The following CDC40 variants were observed in gnomAD, a reference collection of about 807,000 sequenced individuals.
CDC40 encodes the protein pre-mRNA-processing factor 17.
In CDC40, 27 loss-of-function variants were observed where a neutral mutation model predicts 80.6. The observed-to-expected ratio is 0.33, with a 90% CI of 0.25 to 0.46. The LOEUF (loss-of-function observed/expected upper bound fraction) is 0.46, where lower values mean the gene tolerates loss of function less well. Ranked by LOEUF, CDC40 falls within the 20% of genes least tolerant of loss-of-function variation. CDC40 has a pLI of 1.00. For missense variants in CDC40, 486 were observed against 694.1 expected (o/e 0.70, Z 3.37); for synonymous variants, 221 against 232.6 (o/e 0.95, Z 0.45).
At chr6:110,197,204 C>T (rs947116514) in intron 2 of CDC40, among the ~76,000 whole-genome samples, 1 of 152,180 alleles carries the variant, frequency 6.6e-6, no homozygotes, top group Admixed American at 6.5e-5. Flanking sequence ...ACCACTACTT[C>T]ATTCAGTTGA....
chr6:110,207,184 G>T (rs562530099), intron 3 of CDC40, among the ~76,000 whole-genome samples: 111 of 152,000 alleles, frequency 7.3e-4, no homozygotes, highest in African/African-American at 2.6e-3. Context: ...GGGTAATGAC[G>T]CATGCCTGTA....
intron 12 of CDC40, among the ~76,000 whole-genome samples, chr6:110,220,346 A>G (rs1463655100): frequency 5.3e-5 from 8 of 152,102 alleles, no homozygotes; most frequent in Non-Finnish European, 1.0e-4. Context: ...TGATAAAGAC[A>G]TACCCAAGAC....
rs1159764005 is a variant in CDC40, at chr6:110,232,117, C to G, written c.*1986C>G. ...ATGTTACAAATCATCATTTCTAAAT[C>G]TGGATTGATTCTGTTGTGTTTTTGA... On this transcript the variant is annotated 3_prime_UTR_variant, in exon 15 of 15. Coordinates refer to ENST00000307731, the MANE Select transcript of CDC40 (RefSeq NM_015891.3). The G allele has an allele frequency of 6.6e-6, 1 of 152,274 alleles. No individual in the cohort carries two copies. The highest frequency in any genetic ancestry group is 1.5e-5 in the Non-Finnish European group (1 of 67,972). The allele number at this position is 152,274 out of a possible 1,614,324, so 9.4% of individuals were successfully genotyped here.
chr6:110,207,690 C>CT (rs575682474), intron 4 of CDC40, 101 bp downstream of exon 4: 2,551 of 601,018 alleles, frequency 4.2e-3, no homozygotes, highest in South Asian at 5.6e-3. Context: ...GTATTTAGCG[C>CT]TTTTTTTTTT....
chr6:110,222,931 T>G (rs1323739826), intron 12 of CDC40, among the ~76,000 whole-genome samples: 1 of 152,214 alleles, frequency 6.6e-6, no homozygotes, highest in East Asian at 1.9e-4. Flanking sequence ...AACTATCTGA[T>G]TTAGTGTGCA....
chr6:110,221,068 A>G (rs547992273), intron 12 of CDC40, among the ~76,000 whole-genome samples: 1 of 152,252 alleles, frequency 6.6e-6, no homozygotes, highest in Admixed American at 6.5e-5. Context: ...GGGAAAAAAT[A>G]TTTTTCTAAA....
intron 1 of CDC40, among the ~76,000 whole-genome samples, chr6:110,183,631 A>G (rs2114645664): frequency 6.6e-6 from 1 of 152,372 alleles, no homozygotes; most frequent in East Asian, 1.9e-4. Flanking sequence ...CATAGTAAAT[A>G]TAATGATTGC....
intron 12 of CDC40, among the ~76,000 whole-genome samples, chr6:110,222,340 C>T (rs1404682873): frequency 6.6e-6 from 1 of 152,000 alleles, no homozygotes; most frequent in Non-Finnish European, 1.5e-5. Flanking sequence ...AGGCGGATCA[C>T]GAAGTCAGGA....
In CDC40 at chr6:110,192,399, T is replaced by A. The variant is rs577656175; in HGVS notation, c.190-783T>A. 1.3e-4 allele frequency among the ~76,000 whole-genome samples: 20 copies of A among 152,296 alleles called. No homozygotes were observed. The South Asian group carries it at 4.1e-3, about 32-fold the overall frequency. ...CTCCAGATTTTTGCCTGAGCAACTG[T>A]AAGGGTGGAATTGTGATTAACTAAG... On this transcript the variant is annotated intron_variant, in intron 1 of 14. Transcript: ENST00000307731.
At chr6:110,221,407 T>C (rs1011376070) in intron 12 of CDC40, among the ~76,000 whole-genome samples, 3 of 152,202 alleles carry the variant, frequency 2.0e-5, no homozygotes, top group Non-Finnish European at 2.9e-5. Flanking sequence ...GCATTTAATG[T>C]AATTTAATTG....
intron 2 of CDC40, among the ~76,000 whole-genome samples, chr6:110,197,135 G>A (rs1264716839): frequency 6.6e-6 from 1 of 152,102 alleles, no homozygotes; most frequent in African/African-American, 2.4e-5. Flanking sequence ...AGATCTCTGA[G>A]AGTTATCAAC....
chr6:110,220,803 G>T (rs977256887), intron 12 of CDC40, among the ~76,000 whole-genome samples: 41 of 152,096 alleles, frequency 2.7e-4, no homozygotes, highest in African/African-American at 9.9e-4. Context: ...AGTGAAAGGG[G>T]TTTCACTTTA....
intron 12 of CDC40, among the ~76,000 whole-genome samples, chr6:110,222,756 A>G (rs1190459546): frequency 6.6e-6 from 1 of 152,174 alleles, no homozygotes; most frequent in African/African-American, 2.4e-5. Flanking sequence ...CTTAACCATG[A>G]GAGAAAGAAC....
intron 1 of CDC40, among the ~76,000 whole-genome samples, chr6:110,182,263 A>G (rs751141497): frequency 4.6e-5 from 7 of 152,256 alleles, no homozygotes; most frequent in African/African-American, 7.2e-5. Context: ...GCCACACACA[A>G]TGAACACTAA....
chr6:110,221,820 C>T (rs998822892), intron 12 of CDC40, among the ~76,000 whole-genome samples: 1 of 149,076 alleles, frequency 6.7e-6, no homozygotes, highest in African/African-American at 2.5e-5. Context: ...AAACATTGGT[C>T]AGGAAAGAAT....
chr6:110,209,347 T>C (rs1051973985), intron 5 of CDC40, 124 bp downstream of exon 5: 1 of 714,680 alleles, frequency 1.4e-6, no homozygotes, highest in Admixed American at 2.6e-5. Context: ...TTTCTGCCTT[T>C]AGTTGATTGA....
At chr6:110,217,864 G>A in intron 10 of CDC40, 61 bp downstream of exon 10, 1 of 878,092 alleles carries the variant, frequency 1.1e-6, no homozygotes, top group South Asian at 1.4e-5. Context: ...TTGAAATGGT[G>A]TGAGTAGTCT....
chr6:110,203,226 G>GT (rs532149061), intron 3 of CDC40, among the ~76,000 whole-genome samples: 20 of 152,190 alleles, frequency 1.3e-4, no homozygotes, highest in Admixed American at 5.2e-4. Flanking sequence ...AACACTGTCT[G>GT]TTTTTTCTTT....
intron 6 of CDC40, chr6:110,211,223 C>T (rs1458865295): frequency 6.6e-6 from 1 of 152,138 alleles, no homozygotes; most frequent in Non-Finnish European, 1.5e-5. Context: ...TCAGAATAAA[C>T]TTGGATTTTC....
Sources: gnomAD v4.1 joint callset for allele counts (sites outside exome capture counted in the v4.1 genomes callset) on GRCh38, gnomAD v4.1.1 for gene constraint, MANE v1.5 for transcripts, NCBI Gene and HGNC (gene_info 2026-07-23, HGNC 2026-07-21) for gene names.